USP15: variants seen among roughly 807,000 people sequenced by gnomAD.
USP15 encodes the protein ubiquitin carboxyl-terminal hydrolase 15.
In USP15, 18 loss-of-function variants were observed where a neutral mutation model predicts 127.1. The ratio of observed to expected loss-of-function variants is 0.14; its 90% confidence interval spans 0.10 to 0.21. The LOEUF (loss-of-function observed/expected upper bound fraction) is 0.21. Among genes scored for constraint, USP15 ranks in the 10% least tolerant of loss-of-function variants. USP15 has a pLI of 1.00. For missense variants in USP15, 805 were observed against 1,159.9 expected (o/e 0.69, Z 4.44); for synonymous variants, 364 against 393.7 (o/e 0.92, Z 0.89).
At chr12:62,382,860 G>T (rs1235865308) in intron 9 of USP15, among the ~76,000 whole-genome samples, 1 of 151,858 alleles carries the variant, frequency 6.6e-6, no homozygotes, top group Admixed American at 6.6e-5. Flanking sequence ...AATATAGCAA[G>T]GATGAGAACC....
intron 3 of USP15, chr12:62,304,947 A>G (rs2064434721): frequency 4.3e-6 from 1 of 233,628 alleles, no homozygotes; most frequent in South Asian, 5.2e-5. Context: ...GAATAAAATT[A>G]TTAGACCAAA....
intron 8 of USP15, among the ~76,000 whole-genome samples, chr12:62,362,093 C>T (rs2066335722): frequency 6.6e-6 from 1 of 151,984 alleles, no homozygotes; most frequent in Non-Finnish European, 1.5e-5. Context: ...CTCTATTCCA[C>T]TAATGAGGAA....
chr12:62,380,639 T>C (rs1042478858), intron 8 of USP15, among the ~76,000 whole-genome samples: 3 of 152,072 alleles, frequency 2.0e-5, no homozygotes, highest in Non-Finnish European at 4.4e-5. Flanking sequence ...AAAAAAAATT[T>C]ACTTATGTGA....
intron 1 of USP15, among the ~76,000 whole-genome samples, chr12:62,289,242 G>T (rs1238478011): frequency 6.6e-6 from 1 of 151,588 alleles, no homozygotes; most frequent in African/African-American, 2.4e-5. Flanking sequence ...TGTTGTTGTT[G>T]TTGGGAGATT....
At chr12:62,391,723 G>A in intron 16 of USP15, 93 bp from the exon 17 acceptor site, 1 of 1,136,406 alleles carries the variant, frequency 8.8e-7, no homozygotes. Context: ...AAAGATTGCT[G>A]TTTGTTTATT....
chr12:62,269,211 G>T (rs1322160078), intron 1 of USP15, among the ~76,000 whole-genome samples: 3 of 151,984 alleles, frequency 2.0e-5, no homozygotes, highest in Non-Finnish European at 4.4e-5. Flanking sequence ...AAATCTAGAT[G>T]GGATTGCCTA....
intron 1 of USP15, among the ~76,000 whole-genome samples, chr12:62,261,122 T>G (rs764461023): frequency 2.0e-5 from 3 of 152,146 alleles, no homozygotes; most frequent in African/African-American, 4.8e-5. Flanking sequence ...CCACGTGGTC[T>G]TGTGCTTTAG....
intron 20 of USP15, among the ~76,000 whole-genome samples, chr12:62,397,415 C>G (rs980868511): frequency 1.3e-5 from 2 of 152,050 alleles, no homozygotes; most frequent in African/African-American, 4.8e-5. Context: ...ATTCAGTTTT[C>G]TTTTTCCTTT....
chr12:62,291,836 G>A (rs1592512885), intron 1 of USP15, among the ~76,000 whole-genome samples: 2 of 152,172 alleles, frequency 1.3e-5, no homozygotes, highest in African/African-American at 4.8e-5. Flanking sequence ...TGGCTTGTGA[G>A]CAGGCTCACA....
intron 4 of USP15, among the ~76,000 whole-genome samples, chr12:62,316,456 AAC>A (rs765846994): frequency 6.6e-6 from 1 of 152,064 alleles, no homozygotes; most frequent in Non-Finnish European, 1.5e-5. Flanking sequence ...ACATATTAAA[AAC>A]AAAGTTTTCA....
intron 4 of USP15, among the ~76,000 whole-genome samples, chr12:62,317,844 C>T (rs2064875148): frequency 6.6e-6 from 1 of 152,136 alleles, no homozygotes. Context: ...CTTCTGCCTT[C>T]AAATGTTTTC....
At chr12:62,272,773 ATTAT>A (rs1005601357) in intron 1 of USP15, among the ~76,000 whole-genome samples, 2 of 152,116 alleles carry the variant, frequency 1.3e-5, no homozygotes. Context: ...CATAATACAA[ATTAT>A]TTATCATAAT....
At chr12:62,338,996 A>G (rs2065568943) in intron 6 of USP15, among the ~76,000 whole-genome samples, 1 of 152,132 alleles carries the variant, frequency 6.6e-6, no homozygotes, top group African/African-American at 2.4e-5. Context: ...GTTTTTTCTA[A>G]TTCTGTGAAG....
chr12:62,384,892 C>T (rs1033255741), intron 11 of USP15, among the ~76,000 whole-genome samples: 11 of 151,786 alleles, frequency 7.2e-5, no homozygotes, highest in Non-Finnish European at 1.2e-4. Context: ...TGCCTGATTC[C>T]GTTACCTAGT....
At chr12:62,290,343 T>C (rs1281167383) in intron 1 of USP15, among the ~76,000 whole-genome samples, 1 of 152,190 alleles carries the variant, frequency 6.6e-6, no homozygotes, top group Non-Finnish European at 1.5e-5. Context: ...TGTCTTTCTA[T>C]TGAATTGATC....
chr12:62,348,103 G>C (rs983182791), intron 6 of USP15, among the ~76,000 whole-genome samples: 3 of 152,118 alleles, frequency 2.0e-5, no homozygotes, highest in African/African-American at 4.8e-5. Context: ...CAGTTTCTCA[G>C]TAGGCTGAGA....
At chr12:62,374,127 GA>G (rs532989902) in intron 8 of USP15, among the ~76,000 whole-genome samples, 98 of 151,922 alleles carry the variant, frequency 6.5e-4, no homozygotes, top group Middle Eastern at 6.8e-3. Context: ...TTAAAATCCA[GA>G]AAAAAACTGT....
chr12:62,335,938 G>C lies in USP15; in HGVS notation c.683+10005G>C, dbSNP rs138022830. The C allele has an allele frequency of 2.0e-4, 195 of 985,382 alleles. No homozygotes were observed. The African/African-American group carries it at 3.2e-3, about 16-fold the overall frequency. The allele number at this position is 985,382 out of a possible 1,614,324, so 61.0% of individuals were successfully genotyped here. On this transcript the variant is annotated intron_variant, in intron 6 of 21. Coordinates refer to ENST00000280377, the MANE Select transcript of USP15 (RefSeq NM_001252078.2). ...TGCCTCTCTGACCAGTCCTTTGTCTGTCTAGCTCGGTTCCTCTTTAGGGTT... is the reference window on the plus strand; with the variant it reads ...TGCCTCTCTGACCAGTCCTTTGTCTCTCTAGCTCGGTTCCTCTTTAGGGTT...
At chr12:62,331,959 G>A (rs1295786969) in intron 6 of USP15, among the ~76,000 whole-genome samples, 2 of 152,082 alleles carry the variant, frequency 1.3e-5, no homozygotes, top group Non-Finnish European at 2.9e-5. Flanking sequence ...GAGGCCAGGA[G>A]TTTGAGACCA....
Sources: gnomAD v4.1 joint callset for allele counts (sites outside exome capture counted in the v4.1 genomes callset) on GRCh38, gnomAD v4.1.1 for gene constraint, MANE v1.5 for transcripts, NCBI Gene and HGNC (gene_info 2026-07-23, HGNC 2026-07-21) for gene names.